HECW1: variants seen among roughly 807,000 people sequenced by gnomAD.
The protein encoded by HECW1 is E3 ubiquitin-protein ligase HECW1.
Under a neutral mutation model 182.3 loss-of-function variants are expected in HECW1, and 61 were observed. The observed-to-expected ratio is 0.33, with a 90% confidence interval of 0.27 to 0.41. The LOEUF is 0.41. HECW1 is among the 10% of genes least tolerant of loss of function. HECW1 has a pLI of 1.00. For synonymous variants in HECW1, 859 were observed against 832.6 expected (o/e 1.03, Z -0.55); for missense variants, 1,739 against 2,108.9 (o/e 0.82, Z 3.44).
chr7:43,400,804 G>A (rs2075379852), intron 7 of HECW1, among the ~76,000 whole-genome samples: 1 of 152,326 alleles, frequency 6.6e-6, no homozygotes, highest in South Asian at 2.1e-4. Context: ...GAGGTCAGAA[G>A]TCCAGAATGA....
intron 24 of HECW1, among the ~76,000 whole-genome samples, chr7:43,524,295 C>A (rs12671845): frequency 0.11 from 16,372 of 152,106 alleles, 1,104 homozygotes; most frequent in East Asian, 0.37. Flanking sequence ...CTACCCCAGG[C>A]AGACACAACA....
In HECW1 at chr7:43,160,261, C is replaced by T. The variant is rs1005012494; in HGVS notation, c.-32+45870C>T. 3.3e-5 allele frequency among the ~76,000 whole-genome samples: 5 copies of T among 152,074 alleles called. No homozygotes were observed. In the East Asian group the frequency reaches 9.7e-4, roughly 29 times the overall value. ...CCTTTTATACATATTTTCAATATTT[C>T]CCCCCAATTTGTTGTTTGCCTTTGG... On this transcript the variant is annotated intron_variant, in intron 2 of 29. Coordinates refer to ENST00000395891, the MANE Select transcript of HECW1 (RefSeq NM_015052.5).
intron 5 of HECW1, among the ~76,000 whole-genome samples, chr7:43,331,579 C>T: frequency 6.9e-6 from 1 of 144,576 alleles, no homozygotes; most frequent in African/African-American, 2.5e-5. Flanking sequence ...GGCGACAGAG[C>T]AAGACTCTGT....
intron 5 of HECW1, among the ~76,000 whole-genome samples, chr7:43,325,736 A>G (rs1254786211): frequency 1.3e-5 from 2 of 152,090 alleles, no homozygotes; most frequent in African/African-American, 4.8e-5. Flanking sequence ...CCCGCCAGTC[A>G]GCACCACTCA....
intron 17 of HECW1, among the ~76,000 whole-genome samples, chr7:43,490,863 T>C (rs2078903142): frequency 6.6e-6 from 1 of 152,190 alleles, no homozygotes; most frequent in African/African-American, 2.4e-5. Context: ...GTTCAAGGGA[T>C]TCTCGTGCCT....
intron 16 of HECW1, among the ~76,000 whole-genome samples, chr7:43,471,938 T>A (rs2078039449): frequency 6.6e-6 from 1 of 152,232 alleles, no homozygotes; most frequent in Non-Finnish European, 1.5e-5. Flanking sequence ...AAAATAGAAC[T>A]ATTTAAAAGA....
chr7:43,337,833 C>T (rs994850927), intron 5 of HECW1, among the ~76,000 whole-genome samples: 2 of 152,192 alleles, frequency 1.3e-5, no homozygotes, highest in Admixed American at 6.5e-5. Flanking sequence ...ATAGAAGACA[C>T]TCACTTGCTG....
intron 9 of HECW1, 92 bp downstream of exon 9, chr7:43,438,237 C>A: frequency 1.9e-6 from 2 of 1,039,602 alleles, no homozygotes; most frequent in Non-Finnish European, 2.8e-6. Context: ...TATAGTCTCA[C>A]AGAGAGTCAA....
chr7:43,428,085 G>A (rs1273520724), intron 8 of HECW1, among the ~76,000 whole-genome samples: 1 of 152,160 alleles, frequency 6.6e-6, no homozygotes, highest in Non-Finnish European at 1.5e-5. Flanking sequence ...CAGGGGGCAG[G>A]AATCTTGAGG....
Position 43,360,865 on chromosome 7 carries a change from C to A in HECW1, c.461-21C>A, listed in dbSNP as rs926464487. 6 of 1,590,680 alleles carry A rather than the reference C, an allele frequency of 3.8e-6. No homozygotes were observed. The African/African-American group carries it at 5.4e-5, about 14-fold the overall frequency. ...TGGGTTACACCCTACTTCTCAGTCT[C>A]ATTTTTTGTTTGTCTTTCAGCTGAA... On this transcript the variant is annotated intron_variant, in intron 5 of 29. Coordinates refer to ENST00000395891, the MANE Select transcript of HECW1 (RefSeq NM_015052.5).
intron 2 of HECW1, among the ~76,000 whole-genome samples, chr7:43,232,901 AAC>A (rs1370250227): frequency 1.3e-5 from 2 of 152,190 alleles, no homozygotes; most frequent in Admixed American, 6.5e-5. Flanking sequence ...TAACACCAAA[AAC>A]ACAAAAATAT....
chr7:43,563,953 G>A lies in HECW1; in HGVS notation c.*2027G>A, dbSNP rs1563133903. On this transcript the variant is annotated 3_prime_UTR_variant, in exon 30 of 30. Transcript: ENST00000395891. Reference sequence around the variant, plus strand: ...CACCCCTTGCAGCGATGTGTCCGTTGTCAATCAAGGAGTATACATTATAGA... The same window carrying A: ...CACCCCTTGCAGCGATGTGTCCGTTATCAATCAAGGAGTATACATTATAGA... 5.4e-6 allele frequency: 1 copy of A among 186,726 alleles called. No individual in the cohort carries two copies. Among genetic ancestry groups the A allele is most frequent in the Non-Finnish European group, 1.1e-5 (1 of 88,492 alleles). The allele number at this position is 186,726 out of a possible 1,614,324, so 11.6% of individuals were successfully genotyped here. A position where few individuals can be genotyped will look rare whatever the true frequency, so the allele number is the denominator to read the frequency against.
intron 2 of HECW1, among the ~76,000 whole-genome samples, chr7:43,136,049 G>A (rs1180786562): frequency 6.8e-6 from 1 of 146,534 alleles, no homozygotes; most frequent in Non-Finnish European, 1.5e-5. Flanking sequence ...TCTTAGAATT[G>A]CACTCCCTAT....
chr7:43,173,229 G>A (rs148948346), intron 2 of HECW1, among the ~76,000 whole-genome samples: 5 of 152,282 alleles, frequency 3.3e-5, no homozygotes, highest in African/African-American at 9.6e-5. Context: ...GACTAAAAAA[G>A]ACGCAGAGGA....
intron 12 of HECW1, among the ~76,000 whole-genome samples, chr7:43,455,875 C>A (rs1418818500): frequency 1.3e-5 from 2 of 152,200 alleles, no homozygotes; most frequent in Admixed American, 6.5e-5. Flanking sequence ...GTGGCAGGCA[C>A]CTGTAATCCC....
intron 9 of HECW1, among the ~76,000 whole-genome samples, chr7:43,441,715 A>G (rs551264213): frequency 6.6e-6 from 1 of 152,366 alleles, no homozygotes; most frequent in South Asian, 2.1e-4. Context: ...GCTAACAAGC[A>G]TGGCCGTGCT....
At chr7:43,403,943 A>G (rs1220403205) in intron 7 of HECW1, among the ~76,000 whole-genome samples, 1 of 152,260 alleles carries the variant, frequency 6.6e-6, no homozygotes, top group Non-Finnish European at 1.5e-5. Flanking sequence ...ACCAAAAAAT[A>G]CAGGCAAAAA....
At chr7:43,253,192 C>T (rs1387860173) in intron 3 of HECW1, among the ~76,000 whole-genome samples, 2 of 152,072 alleles carry the variant, frequency 1.3e-5, no homozygotes, top group African/African-American at 2.4e-5. Flanking sequence ...CACTGGCAAC[C>T]TCTTGGAGCC....
chr7:43,338,833 A>G (rs1406936112), intron 5 of HECW1, among the ~76,000 whole-genome samples: 1 of 152,236 alleles, frequency 6.6e-6, no homozygotes, highest in Non-Finnish European at 1.5e-5. Flanking sequence ...TAAAAAAAAA[A>G]AAAGAGTTCC....
Sources: allele counts gnomAD v4.1 joint callset (sites outside exome capture counted in the v4.1 genomes callset), GRCh38; gene constraint gnomAD v4.1.1; transcripts MANE v1.5; gene names NCBI Gene and HGNC (gene_info 2026-07-23, HGNC 2026-07-21).